FNIP2: variants seen among roughly 807,000 people sequenced by gnomAD.
FNIP2 encodes folliculin interacting protein 2.
Under a neutral mutation model 108.7 loss-of-function variants are expected in FNIP2, and 32 were observed. The observed-to-expected ratio is 0.29, with a 90% CI of 0.22 to 0.40. The LOEUF is 0.40. FNIP2 is among the 10% of genes least tolerant of loss of function. The pLI is 1.00. For synonymous variants in FNIP2, 480 were observed against 496.7 expected (o/e 0.97, Z 0.45); for missense variants, 1,202 against 1,381.6 (o/e 0.87, Z 2.06).
In FNIP2 at chr4:158,835,420, T is replaced by C. The variant is rs2126602579; in HGVS notation, c.671T>C (p.Val224Ala). Residue 224 changes from valine (V) to alanine (A), a missense_variant, in exon 7 of 17, where the codon GTT becomes GCT. By Grantham distance (64) the Val-to-Ala change is moderately conservative (BLOSUM62 0). Transcript: ENST00000264433. ...TGSNLAHSTPVDMPSRGQNED... is the reference protein window; with the variant it reads ...TGSNLAHSTPADMPSRGQNED... ...TTTATCTTAGCACACAGCACACCAG[T>C]TGATATGCCAAGCAGAGGACAGAAT... 6.2e-7 allele frequency: 1 copy of C among 1,612,196 alleles called. No individual in the cohort carries two copies. Among genetic ancestry groups the C allele is most frequent in the Non-Finnish European group, 8.5e-7 (1 of 1,178,888 alleles).
intron 7 of FNIP2, among the ~76,000 whole-genome samples, chr4:158,839,440 A>G (rs1482295437): frequency 6.6e-6 from 1 of 151,978 alleles, no homozygotes; most frequent in Non-Finnish European, 1.5e-5. Flanking sequence ...TCACTGCATC[A>G]CTGCAGCCTC....
At chr4:158,814,298 G>A (rs1424371986) in intron 1 of FNIP2, among the ~76,000 whole-genome samples, 2 of 152,200 alleles carry the variant, frequency 1.3e-5, no homozygotes, top group Non-Finnish European at 2.9e-5. Flanking sequence ...TTTTAGTCCT[G>A]ACTTAGCCAC....
chr4:158,859,002 C>A, intron 8 of FNIP2, 55 bp from the exon 9 acceptor site: 1 of 1,471,966 alleles, frequency 6.8e-7, no homozygotes, highest in Non-Finnish European at 9.5e-7. Flanking sequence ...TACAGTTGAC[C>A]TTCAGTGTGA....
intron 1 of FNIP2, among the ~76,000 whole-genome samples, chr4:158,787,484 A>G (rs1776261344): frequency 6.6e-6 from 1 of 152,176 alleles, no homozygotes; most frequent in Non-Finnish European, 1.5e-5. Context: ...ATTTTATAGA[A>G]TAGGAAAAGG....
In FNIP2 at chr4:158,769,315, T is replaced by G. The variant is rs1324689040; in HGVS notation, c.103T>G (p.Phe35Val). ...QGRAPKEGPAFSWSCSEFDLN... is the reference protein window; with the variant it reads ...QGRAPKEGPAVSWSCSEFDLN... ...CAGGGCTCCTAAGGAAGGACCCGCC[T>G]TTAGGTGAGGGGGCGCCGGGGGGCA... The change falls in exon 1 of 17, where the codon TTT becomes GTT. Residue 35 changes from phenylalanine (F) to valine (V), a missense_variant. Around this residue, in one of 5 missense-constraint regions of FNIP2, gnomAD observed 173 missense variants for 165.9 expected, o/e 1.04. Coordinates refer to ENST00000264433, the MANE Select transcript of FNIP2 (RefSeq NM_020840.3). 1.3e-6 allele frequency: 2 copies of G among 1,500,228 alleles called. No homozygotes were observed. The highest frequency in any genetic ancestry group is 1.8e-6 in the Non-Finnish European group (2 of 1,124,566). 92.9% of individuals were successfully genotyped at this position (1,500,228 alleles called of 1,614,324 possible).
At chr4:158,780,457 A>G (rs1422619478) in intron 1 of FNIP2, among the ~76,000 whole-genome samples, 2 of 152,186 alleles carry the variant, frequency 1.3e-5, no homozygotes, top group African/African-American at 4.8e-5. Flanking sequence ...GCTAGCCCCT[A>G]TACCAAGAGC....
intron 1 of FNIP2, among the ~76,000 whole-genome samples, chr4:158,801,684 AG>A (rs1350665351): frequency 6.6e-6 from 1 of 152,222 alleles, no homozygotes; most frequent in African/African-American, 2.4e-5. Context: ...GGCACATAAA[AG>A]AGCACTCAGT....
At chr4:158,805,073 G>T (rs531243664) in intron 1 of FNIP2, among the ~76,000 whole-genome samples, 1 of 152,302 alleles carries the variant, frequency 6.6e-6, no homozygotes, top group African/African-American at 2.4e-5. Flanking sequence ...TCACACTCAT[G>T]GAGTGAAATG....
At chr4:158,826,120 C>T (rs1000678416) in intron 2 of FNIP2, 78 bp downstream of exon 2, 168 of 1,513,266 alleles carry the variant, frequency 1.1e-4, no homozygotes, top group Non-Finnish European at 1.5e-4. Flanking sequence ...ATTAATCTAT[C>T]ATCTTCTCTT....
At chr4:158,880,446 T>TG (rs1242067505) in intron 14 of FNIP2, among the ~76,000 whole-genome samples, 10 of 150,146 alleles carry the variant, frequency 6.7e-5, no homozygotes, top group Non-Finnish European at 1.5e-4. Context: ...TGTGGTGGAG[T>TG]GGGGGGAGTG....
rs532379618 is a variant in FNIP2, at chr4:158,797,864, C to T, written c.108-28052C>T. 4.6e-5 allele frequency among the ~76,000 whole-genome samples: 7 copies of T among 152,268 alleles called. No homozygotes were observed. In the South Asian group the frequency reaches 1.4e-3, roughly 32 times the overall value. On this transcript the variant is annotated intron_variant, in intron 1 of 16. Transcript: ENST00000264433. Reference sequence around the variant, plus strand: ...AAAACTTCTTGCCCAGCCTTCCTATCACTAGTGTTGAGAGAAGAGAGGGGC... The same window carrying T: ...AAAACTTCTTGCCCAGCCTTCCTATTACTAGTGTTGAGAGAAGAGAGGGGC...
rs903083479 is a variant in FNIP2, at chr4:158,825,951, G to A, written c.143G>A (p.Arg48His). 2 of 1,608,444 alleles carry A rather than the reference G, an allele frequency of 1.2e-6. No individual in the cohort carries two copies. Among genetic ancestry groups the A allele is most frequent in the Non-Finnish European group, 8.5e-7 (1 of 1,175,380 alleles). ...SCSEFDLNEI[R>H]LIVYQDCDRR... is the part of the protein sequence containing the mutation. ...TCGGAGTTTGACCTGAATGAGATTC[G>A]CCTGATAGTTTACCAGGACTGTGAC... The change falls in exon 2 of 17, where the codon CGC (arginine) becomes CAC (histidine). Residue 48 changes from arginine to histidine, a missense_variant. By Grantham distance (29) the Arg-to-His change is conservative. This residue lies in a region of FNIP2 where 173 missense variants were observed against 165.9 expected (regional missense o/e 1.04). Coordinates refer to ENST00000264433, the MANE Select transcript of FNIP2 (RefSeq NM_020840.3).
intron 14 of FNIP2, among the ~76,000 whole-genome samples, chr4:158,877,616 G>A (rs1265408752): frequency 6.6e-6 from 1 of 152,210 alleles, no homozygotes; most frequent in Non-Finnish European, 1.5e-5. Flanking sequence ...AATCTCCAGT[G>A]GTGGCACTTC....
chr4:158,835,316 A>T, intron 6 of FNIP2, 89 bp from the exon 7 acceptor site: 2 of 1,056,714 alleles, frequency 1.9e-6, no homozygotes, highest in African/African-American at 1.6e-5. Context: ...GCAGTAGCCT[A>T]CTTTGAAATT....
intron 16 of FNIP2, among the ~76,000 whole-genome samples, chr4:158,898,313 C>T (rs1782877965): frequency 6.6e-6 from 1 of 152,164 alleles, no homozygotes. Flanking sequence ...ATTGCCTTGG[C>T]TATGCAGGCT....
intron 1 of FNIP2, among the ~76,000 whole-genome samples, chr4:158,778,898 T>C (rs1775943406): frequency 6.6e-6 from 1 of 152,244 alleles, no homozygotes; most frequent in African/African-American, 2.4e-5. Flanking sequence ...CTCAAGTATA[T>C]TTCCAGGATG....
intron 1 of FNIP2, among the ~76,000 whole-genome samples, chr4:158,824,516 C>T (rs541239221): frequency 1.3e-5 from 2 of 152,290 alleles, no homozygotes; most frequent in East Asian, 3.9e-4. Context: ...AGCATGCCAC[C>T]AGTGTCTGTC....
chr4:158,849,731 G>C (rs1279286579), intron 7 of FNIP2, among the ~76,000 whole-genome samples: 1 of 151,954 alleles, frequency 6.6e-6, no homozygotes, highest in Admixed American at 6.6e-5. Flanking sequence ...TTGGTTTTGG[G>C]GATTTAAGTC....
chr4:158,861,848 T>C lies in FNIP2; in HGVS notation c.1465+72T>C, dbSNP rs963449822. The C allele has an allele frequency of 2.0e-6, 3 of 1,536,618 alleles. No homozygotes were observed. The African/African-American group carries it at 4.1e-5, about 21-fold the overall frequency. Reference sequence around the variant, plus strand: ...GAAAAAAATGCTAGAATTTGTAGTTTATACCGGCTCTCTCACCCAGTAATT... The same window carrying C: ...GAAAAAAATGCTAGAATTTGTAGTTCATACCGGCTCTCTCACCCAGTAATT... On this transcript the variant is annotated intron_variant, in intron 12 of 16. Coordinates refer to ENST00000264433, the MANE Select transcript of FNIP2 (RefSeq NM_020840.3).
Sources: allele counts gnomAD v4.1 joint callset (sites outside exome capture counted in the v4.1 genomes callset), GRCh38; gene constraint gnomAD v4.1.1; regional missense constraint gnomAD v4.1.1; transcripts MANE v1.5; gene names NCBI Gene and HGNC (gene_info 2026-07-23, HGNC 2026-07-21).